Variants in HERC2 observed in about 807,000 individuals in gnomAD.
HERC2 encodes E3 ubiquitin-protein ligase HERC2.
In HERC2, 102 loss-of-function variants were observed where a neutral mutation model predicts 537.7. The ratio of observed to expected loss-of-function variants is 0.19; its 90% CI spans 0.16 to 0.22. HERC2 has a LOEUF of 0.22. Among genes scored for constraint, HERC2 ranks in the 10% least tolerant of loss-of-function variants. HERC2 has a pLI of 1.00. For missense variants in HERC2, 4,236 were observed against 6,198.2 expected (o/e 0.68, Z 10.63); for synonymous variants, 2,224 against 2,466.2 (o/e 0.90, Z 2.91).
chr15:28,174,987 T>A (rs188435833), intron 64 of HERC2, among the ~76,000 whole-genome samples: 1 of 152,284 alleles, frequency 6.6e-6, no homozygotes, highest in African/African-American at 2.4e-5. Context: ...TCAAGTAAGT[T>A]GCTTCTTGGC....
intron 2 of HERC2, among the ~76,000 whole-genome samples, chr15:28,301,801 CTTTTTT>C (rs11307271): frequency 4.1e-5 from 2 of 48,314 alleles, no homozygotes; most frequent in African/African-American, 1.3e-4. Flanking sequence ...TTCTATCTAA[CTTTTTT>C]TTTTTTTTTT....
intron 2 of HERC2, chr15:28,320,456 A>G (rs1385945139): frequency 6.6e-6 from 1 of 151,698 alleles, no homozygotes; most frequent in Non-Finnish European, 1.5e-5. Context: ...ATCTACCAAC[A>G]CTCAATACCT....
In HERC2 at chr15:28,176,349, T is replaced by A. The variant is rs2140152270; in HGVS notation, c.9686+79A>T. On this transcript the variant is annotated intron_variant, in intron 63 of 92. Transcript: ENST00000261609. This position sits in a 1 kb window ranked among gnomAD's most constrained non-coding sequence, Gnocchi z 5.0. ...GAGGACACGTCACAATCACGCCGGG[T>A]GAGCCTGGGGCGAGGCCCAGGTTCC... 1 of 1,361,498 alleles carries A rather than the reference T, an allele frequency of 7.3e-7. No individual in the cohort carries two copies. Among genetic ancestry groups the A allele is most frequent in the Non-Finnish European group, 1.0e-6 (1 of 969,078 alleles). The allele number at this position is 1,361,498 out of a possible 1,614,324, so 84.3% of individuals were successfully genotyped here. A position where few individuals can be genotyped will look rare whatever the true frequency, so the allele number is the denominator to read the frequency against.
chr15:28,228,152 A>G, intron 35 of HERC2, 66 bp downstream of exon 35: 1 of 1,384,808 alleles, frequency 7.2e-7, no homozygotes, highest in Non-Finnish European at 9.9e-7. Context: ...AAAGAAAAGA[A>G]AAGAAAAGAA....
rs1208222146 is a variant in HERC2 at position 28,174,501 on chromosome 15, C to A, written c.9951G>T (p.Gly3317=). 3 of 1,614,012 alleles carry A rather than the reference C, an allele frequency of 1.9e-6. No individual in the cohort carries two copies. Among genetic ancestry groups the A allele is most frequent in the African/African-American group, 1.3e-5 (1 of 75,070 alleles). The change falls in exon 65 of 93, where the codon GGG becomes GGT. Residue 3317 remains glycine (G), a synonymous_variant. Coordinates refer to ENST00000261609, the MANE Select transcript of HERC2 (RefSeq NM_004667.6). ...TTGTCCACGCCACACTGTGGGACGA[C>A]CCACAAGCCACGCGTGTGATCTTCT... is the stretch of plus-strand genomic sequence containing the variant. ...EGQKITRVAC[G]SSHSVAWTTV...
At chr15:28,289,801 C>A (rs982289862) in intron 4 of HERC2, among the ~76,000 whole-genome samples, 1 of 152,222 alleles carries the variant, frequency 6.6e-6, no homozygotes, top group African/African-American at 2.4e-5. Context: ...CACTGCACAT[C>A]CTTAATGCTC....
chr15:28,228,584 A>T (rs1303238078), intron 34 of HERC2, among the ~76,000 whole-genome samples, 175 bp from the exon 35 acceptor site: 1 of 152,160 alleles, frequency 6.6e-6, no homozygotes, highest in Non-Finnish European at 1.5e-5. Context: ...TACTCTAAAC[A>T]TCTGACTAAT....
intron 56 of HERC2, among the ~76,000 whole-genome samples, chr15:28,185,612 T>C (rs1896235286): frequency 6.6e-6 from 1 of 152,226 alleles, no homozygotes; most frequent in Non-Finnish European, 1.5e-5. Flanking sequence ...ATACATGCCC[T>C]GGGAAATGCA....
intron 86 of HERC2, chr15:28,117,499 C>A (rs1421414107): frequency 1.7e-6 from 1 of 595,376 alleles, no homozygotes; most frequent in East Asian, 3.7e-5. Context: ...ACCATCCTCA[C>A]ACCCTAAGCA....
intron 9 of HERC2, 116 bp from the exon 10 acceptor site, chr15:28,270,984 C>T: frequency 1.3e-6 from 1 of 758,834 alleles, no homozygotes; most frequent in Non-Finnish European, 2.2e-6. Flanking sequence ...CATCAAATGA[C>T]AATGTCAATG....
chr15:28,264,036 A>C (rs1207645335), intron 14 of HERC2, among the ~76,000 whole-genome samples: 2 of 150,598 alleles, frequency 1.3e-5, no homozygotes, highest in Non-Finnish European at 2.9e-5. Context: ...AAAAAAAAAA[A>C]AACAAACAAA....
intron 59 of HERC2, 92 bp downstream of exon 59, chr15:28,178,791 TAAGA>T: frequency 7.6e-7 from 1 of 1,320,202 alleles, no homozygotes; most frequent in South Asian, 1.6e-5. Flanking sequence ...AGTAAAAACT[TAAGA>T]AAGAATGTAA....
intron 2 of HERC2, among the ~76,000 whole-genome samples, chr15:28,301,735 G>GTGTGTATA (rs1468330361): frequency 1.4e-4 from 5 of 35,352 alleles, no homozygotes; most frequent in African/African-American, 5.3e-4. Context: ...GTATGTATGT[G>GTGTGTATA]TATATATATA....
Position 28,177,584 on chromosome 15 carries a change from T to C in HERC2, c.9164-75A>G. On this transcript the variant is annotated intron_variant, in intron 59 of 92. Transcript: ENST00000261609. The surrounding 1 kb of genome is among the most constrained non-coding windows in gnomAD (Gnocchi z 5.0). Reference sequence around the variant, plus strand: ...CCCACAGCATAGCTAGCTCCCTATTTTGCCTGGCATATAGCACACACTCAA... The same window carrying C: ...CCCACAGCATAGCTAGCTCCCTATTCTGCCTGGCATATAGCACACACTCAA... 1.5e-6 allele frequency: 2 copies of C among 1,318,912 alleles called. No homozygotes were observed. The highest frequency in any genetic ancestry group is 1.1e-6 in the Non-Finnish European group (1 of 912,968). The allele number at this position is 1,318,912 out of a possible 1,614,324, so 81.7% of individuals were successfully genotyped here.
At chr15:28,166,866 T>TA (rs1894194008) in intron 68 of HERC2, among the ~76,000 whole-genome samples, 1 of 152,154 alleles carries the variant, frequency 6.6e-6, no homozygotes, top group Non-Finnish European at 1.5e-5. Flanking sequence ...GGGTGTCAAA[T>TA]AATGATAGCA....
chr15:28,263,225 T>G (rs1002385021), intron 14 of HERC2, 56 bp from the exon 15 acceptor site: 1 of 1,559,890 alleles, frequency 6.4e-7, no homozygotes, highest in Non-Finnish European at 8.7e-7. Flanking sequence ...ACGAAAAATT[T>G]TAAATGACTG....
intron 85 of HERC2, 29 bp from the exon 86 acceptor site, chr15:28,121,458 G>A (rs180723987): frequency 2.2e-4 from 339 of 1,540,628 alleles, no homozygotes; most frequent in Middle Eastern, 1.3e-3. Context: ...ACAAAATTTA[G>A]AATCTGATAT....
At chr15:28,189,445 A>G (rs999558804) in intron 55 of HERC2, among the ~76,000 whole-genome samples, 12 of 152,254 alleles carry the variant, frequency 7.9e-5, no homozygotes, top group Non-Finnish European at 1.6e-4. Context: ...TTACATTGCA[A>G]TAAGTTACCA....
At chr15:28,262,849 C>A (rs1383106494) in intron 15 of HERC2, 69 bp downstream of exon 15, 16 of 1,492,342 alleles carry the variant, frequency 1.1e-5, no homozygotes, top group Non-Finnish European at 1.5e-5. Context: ...GAACATAAAA[C>A]CTGCTAACTT....
Sources: allele counts gnomAD v4.1 joint callset (sites outside exome capture counted in the v4.1 genomes callset), GRCh38; gene constraint gnomAD v4.1.1; non-coding constraint Gnocchi (gnomAD v3.1); transcripts MANE v1.5; gene names NCBI Gene and HGNC (gene_info 2026-07-23, HGNC 2026-07-21).